Variants in NLE1 observed in about 807,000 individuals in gnomAD.
The protein encoded by NLE1 is notchless protein homolog 1.
NLE1 carries 37 observed loss-of-function variants against 62.8 expected under a neutral mutation model. That is an observed-to-expected ratio of 0.59 (90% CI 0.45 to 0.78). The LOEUF is 0.78. NLE1 is among the 30% of genes least tolerant of loss of function. The pLI is 0.00. For missense variants in NLE1, 555 were observed against 637.9 expected (o/e 0.87, Z 1.40); for synonymous variants, 243 against 253.0 (o/e 0.96, Z 0.37).
rs151218416 is a variant in NLE1, at chr17:35,136,541, C to A, written c.829-44G>T. 3.2e-6 allele frequency: 5 copies of A among 1,582,778 alleles called. No individual in the cohort carries two copies. The African/African-American group carries it at 4.0e-5, about 13-fold the overall frequency. Reference sequence around the variant, plus strand: ...GGTCAGACACACACACTCCTCCCCACGCCTGGGCGATTAGCCCCAGGAGAC... The same window carrying A: ...GGTCAGACACACACACTCCTCCCCAAGCCTGGGCGATTAGCCCCAGGAGAC... On this transcript the variant is annotated intron_variant, in intron 7 of 12. Coordinates refer to ENST00000442241, the MANE Select transcript of NLE1 (RefSeq NM_018096.5).
chr17:35,136,596 CT>C, intron 7 of NLE1, 99 bp from the exon 8 acceptor site: 1 of 1,428,416 alleles, frequency 7.0e-7, no homozygotes, highest in Non-Finnish European at 9.5e-7. Flanking sequence ...ATCATCATCA[CT>C]CATGCATTGT....
intron 12 of NLE1, 127 bp downstream of exon 12, chr17:35,133,044 C>T: frequency 1.1e-6 from 1 of 914,154 alleles, no homozygotes; most frequent in Non-Finnish European, 1.7e-6. Context: ...GCTCCACACG[C>T]CTCCTCAAGA....
intron 2 of NLE1, among the ~76,000 whole-genome samples, chr17:35,141,568 A>G (rs952826378): frequency 5.9e-5 from 9 of 151,812 alleles, no homozygotes; most frequent in Non-Finnish European, 8.8e-5. Flanking sequence ...AAAAAAAAAA[A>G]AAGGTAAATA....
chr17:35,134,806 C>T, intron 10 of NLE1: 1 of 349,756 alleles, frequency 2.9e-6, no homozygotes, highest in South Asian at 2.2e-5. Flanking sequence ...AATCCCAGCA[C>T]TTTGGGAGGC....
chr17:35,140,163 T>G (rs1597894729), intron 2 of NLE1, 97 bp from the exon 3 acceptor site: 8 of 1,418,946 alleles, frequency 5.6e-6, no homozygotes, highest in South Asian at 4.0e-5. Flanking sequence ...AGGTGAAGCT[T>G]CTTCTTTTCA....
chr17:35,138,276 AATCTGTGGTAT>A (rs1301433996), intron 4 of NLE1, among the ~76,000 whole-genome samples: 1 of 152,174 alleles, frequency 6.6e-6, no homozygotes, highest in Non-Finnish European at 1.5e-5. Flanking sequence ...TCACTTAACT[AATCTGTGGTAT>A]AGCAGTGGTT....
chr17:35,136,541 CG>C (rs2091910015), intron 7 of NLE1, 44 bp from the exon 8 acceptor site: 1 of 1,582,778 alleles, frequency 6.3e-7, no homozygotes, highest in Non-Finnish European at 8.6e-7. Context: ...CTCCTCCCCA[CG>C]CCTGGGCGAT....
chr17:35,137,583 T>A lies in NLE1; in HGVS notation c.595A>T (p.Ser199Cys). The A allele has an allele frequency of 6.2e-7, 1 of 1,610,720 alleles. No individual in the cohort carries two copies. The highest frequency in any genetic ancestry group is 8.5e-7 in the Non-Finnish European group (1 of 1,179,990). Reference protein sequence around the residue: ...KQVGRTLAGHSKWITGLSWEP... With the variant: ...KQVGRTLAGHCKWITGLSWEP... ...CAGCTCAGGCCTGTGATCCACTTGC[T>A]GTGGCCAGCGAGGGTCCTGCCCACC... Residue 199 changes from serine to cysteine, a missense_variant, in exon 6 of 13, where the codon AGC becomes TGC. Physicochemically the swap from Ser to Cys is moderately radical, Grantham distance 112 (BLOSUM62 -1). Coordinates refer to ENST00000442241, the MANE Select transcript of NLE1 (RefSeq NM_018096.5).
In NLE1 at chr17:35,142,053, C is replaced by T. The variant is rs1431291450; in HGVS notation, c.88G>A (p.Gly30Ser). The T allele has an allele frequency of 6.2e-7, 1 of 1,612,552 alleles. No individual in the cohort carries two copies. Among genetic ancestry groups the T allele is most frequent in the Non-Finnish European group, 8.5e-7 (1 of 1,179,842 alleles). ...TCCACGGGCACGTCGAACGGGGAACCCAGCAGCTGCCCGCCCTCATCCTGG... is the reference window on the plus strand; with the variant it reads ...TCCACGGGCACGTCGAACGGGGAACTCAGCAGCTGCCCGCCCTCATCCTGG... Reference protein sequence around the residue: ...QFQDEGGQLLGSPFDVPVDIT... With the variant: ...QFQDEGGQLLSSPFDVPVDIT... Residue 30 changes from glycine to serine, a missense_variant, in exon 2 of 13, where the codon GGT becomes AGT. Transcript: ENST00000442241.
rs1356403487 is a variant in NLE1 at position 35,132,213 on chromosome 17, C to T, written c.*224G>A. ...AGCAGACACGGGCCAAGTTCAGTGA[C>T]AACTTCCTGTGACCTTCGATTTCTG... On this transcript the variant is annotated 3_prime_UTR_variant, in exon 13 of 13. Coordinates refer to ENST00000442241, the MANE Select transcript of NLE1 (RefSeq NM_018096.5). 5.3e-6 allele frequency: 2 copies of T among 380,930 alleles called. No individual in the cohort carries two copies. The highest frequency in any genetic ancestry group is 4.2e-5 in the African/African-American group (2 of 47,948). 23.6% of individuals were successfully genotyped at this position (380,930 alleles called of 1,614,324 possible).
chr17:35,130,559 G>A lies in NLE1; in HGVS notation c.*1878C>T, dbSNP rs1251952617. 3.9e-6 allele frequency: 4 copies of A among 1,032,178 alleles called. No homozygotes were observed. The highest frequency in any genetic ancestry group is 1.6e-5 in the South Asian group (1 of 61,068). 63.9% of individuals were successfully genotyped at this position (1,032,178 alleles called of 1,614,324 possible). On this transcript the variant is annotated 3_prime_UTR_variant, in exon 13 of 13. Transcript: ENST00000442241. ...GGCCCGGGGTCTGGCAGAGTGGTAT[G>A]GGCACCCCACCCCTGGGCTGGGGCC...
chr17:35,133,082 G>A, intron 12 of NLE1, 89 bp downstream of exon 12: 3 of 1,308,906 alleles, frequency 2.3e-6, no homozygotes, highest in Non-Finnish European at 3.3e-6. Flanking sequence ...CGGCCCTGCG[G>A]AATTCTATGC....
At position 35,137,534 on chromosome 17, in the gene NLE1, G is replaced by T; in HGVS notation, c.635+9C>A. The T allele has an allele frequency of 6.2e-7, 1 of 1,603,628 alleles. No homozygotes were observed. The highest frequency in any genetic ancestry group is 8.5e-7 in the Non-Finnish European group (1 of 1,177,150). The stretch of plus-strand genomic sequence containing the variant: ...GCTCATTTGTCCCAGCTCCGTCAGT[G>T]TCACTTACGCATGGAGGGGCTCCCA... On this transcript the variant is annotated intron_variant, in intron 6 of 12. Transcript: ENST00000442241.
chr17:35,142,175 C>T (rs2142512726), intron 1 of NLE1, 53 bp from the exon 2 acceptor site: 4 of 1,601,864 alleles, frequency 2.5e-6, no homozygotes, highest in Non-Finnish European at 3.4e-6. Context: ...CAGAAGGGCC[C>T]CACTTCGCCT....
chr17:35,139,863 G>C lies in NLE1; in HGVS notation c.366C>G (p.Phe122Leu), dbSNP rs1305148984. The C allele has an allele frequency of 6.2e-7, 1 of 1,613,096 alleles. No homozygotes were observed. Among genetic ancestry groups the C allele is most frequent in the Admixed American group, 1.7e-5 (1 of 60,032 alleles). The change falls in exon 3 of 13, where the codon TTC becomes TTG. Residue 122 changes from phenylalanine to leucine, a missense_variant. By Grantham distance (22) the Phe-to-Leu change is conservative. Transcript: ENST00000442241. ...GCTGTCCTTACTTTCCCGTAGGGCT[G>C]AAGGCCACAGAAATGACTGCCTCAC... ...GHSEAVISVAFSPTGKYLASG... is the reference protein window; with the variant it reads ...GHSEAVISVALSPTGKYLASG...
rs148472919 is a variant in NLE1, at chr17:35,141,468, C to A, written c.162+511G>T. Among the ~76,000 whole-genome samples the A allele has an allele frequency of 8.2e-3, 1,226 of 149,096 alleles. 11 individuals carry two copies. Among genetic ancestry groups the A allele is most frequent in the African/African-American group, 0.029 (1,148 of 39,712 alleles). ...GGCTGAGGCAGGAGAATCGCTTGAACCTGGGAGGCAGAGATTGCAGTGAGC... is the reference window on the plus strand; with the variant it reads ...GGCTGAGGCAGGAGAATCGCTTGAAACTGGGAGGCAGAGATTGCAGTGAGC... On this transcript the variant is annotated intron_variant, in intron 2 of 12. Transcript: ENST00000442241.
At chr17:35,135,571 G>T in intron 9 of NLE1, 120 bp from the exon 10 acceptor site, 1 of 852,594 alleles carries the variant, frequency 1.2e-6, no homozygotes, top group Non-Finnish European at 1.8e-6. Flanking sequence ...AGAGGCCAGC[G>T]CTAGGAGCAA....
At chr17:35,140,298 T>C (rs11870981) in intron 2 of NLE1, among the ~76,000 whole-genome samples, 51,610 of 151,982 alleles carry the variant, frequency 0.34, 9,957 homozygotes, top group African/African-American at 0.54. Flanking sequence ...GAGCAATCTC[T>C]GCTCACTGCA....
At chr17:35,137,318 G>T in intron 6 of NLE1, 125 bp from the exon 7 acceptor site, 1 of 964,116 alleles carries the variant, frequency 1.0e-6, no homozygotes, top group African/African-American at 1.6e-5. Flanking sequence ...ACCAAGACCC[G>T]GCTGCACTGC....
Sources: gnomAD v4.1 joint callset for allele counts (sites outside exome capture counted in the v4.1 genomes callset) on GRCh38, gnomAD v4.1.1 for gene constraint, MANE v1.5 for transcripts, NCBI Gene and HGNC (gene_info 2026-07-23, HGNC 2026-07-21) for gene names.